Variants in CLDN14 observed in about 807,000 individuals in gnomAD.
CLDN14 encodes claudin 14.
A neutral mutation model predicts 2.1 loss-of-function variants in CLDN14; 2 were observed. The observed-to-expected ratio is 0.96, with a 90% CI of 0.39 to 3.01. The LOEUF (loss-of-function observed/expected upper bound fraction) is 3.01. CLDN14 is among the 30% of genes most tolerant of loss of function. CLDN14 has a pLI of 0.09. For synonymous variants in CLDN14, 136 were observed against 154.4 expected (o/e 0.88, Z 0.88); for missense variants, 298 against 328.0 (o/e 0.91, Z 0.71).
chr21:36,575,671 A>C lies in CLDN14; in HGVS notation c.-220+740T>G, dbSNP rs115799182. On this transcript the variant is annotated intron_variant, in intron 1 of 2. Transcript: ENST00000342108. ...TGAAACATGGACAATGTTTATCAGCATAAGTAGGCACTCACAAATGTAGTT... is the reference window on the plus strand; with the variant it reads ...TGAAACATGGACAATGTTTATCAGCCTAAGTAGGCACTCACAAATGTAGTT... Among the ~76,000 whole-genome samples, 706 of 152,354 alleles carry C rather than the reference A, an allele frequency of 4.6e-3. 1 individual carries two copies. The highest frequency in any genetic ancestry group is 0.016 in the African/African-American group (671 of 41,588).
At chr21:36,486,535 C>T (rs1181599134) in intron 2 of CLDN14, 1 of 1,564,590 alleles carries the variant, frequency 6.4e-7, no homozygotes, top group Non-Finnish European at 8.8e-7. Flanking sequence ...CTTCCCCAGC[C>T]AAAATCGGAG....
chr21:36,516,040 G>A (rs111644847), intron 1 of CLDN14, among the ~76,000 whole-genome samples: 12,527 of 151,750 alleles, frequency 0.083, 1,241 homozygotes, highest in African/African-American at 0.24. Flanking sequence ...CCCCTGCCTC[G>A]GCCTCCCAAA....
At chr21:36,486,950 C>T in intron 2 of CLDN14, 1 of 511,276 alleles carries the variant, frequency 2.0e-6, no homozygotes, top group Admixed American at 2.8e-5. Context: ...GTGATGAGGG[C>T]CATGTTGTTC....
intron 2 of CLDN14, among the ~76,000 whole-genome samples, chr21:36,505,462 G>A (rs1323465978): frequency 1.3e-5 from 2 of 152,124 alleles, no homozygotes. Context: ...GCTAAGAAAG[G>A]GCTGAAGAAC....
At chr21:36,570,428 A>G (rs2087701452) in intron 1 of CLDN14, among the ~76,000 whole-genome samples, 1 of 152,154 alleles carries the variant, frequency 6.6e-6, no homozygotes, top group Non-Finnish European at 1.5e-5. Context: ...CTAGTTTTTT[A>G]GGTTGACTTT....
At chr21:36,517,238 G>A (rs1232028889) in intron 1 of CLDN14, among the ~76,000 whole-genome samples, 7 of 152,206 alleles carry the variant, frequency 4.6e-5, no homozygotes, top group Non-Finnish European at 1.0e-4. Flanking sequence ...ATTATATAAA[G>A]TTTTGTTGGA....
At chr21:36,533,059 T>G (rs1307676969) in intron 1 of CLDN14, among the ~76,000 whole-genome samples, 1 of 152,180 alleles carries the variant, frequency 6.6e-6, no homozygotes, top group Non-Finnish European at 1.5e-5. Flanking sequence ...TTCCTAGCCA[T>G]AAAACAAGTA....
upstream of CLDN14, among the ~76,000 whole-genome samples, chr21:36,482,312 T>C (rs1378697168): frequency 6.6e-6 from 1 of 151,432 alleles, no homozygotes; most frequent in Non-Finnish European, 1.5e-5. Context: ...TGATGGAAGT[T>C]AGTCAATGTT....
intron 1 of CLDN14, among the ~76,000 whole-genome samples, chr21:36,468,767 C>CT (rs1002172215): frequency 1.1e-4 from 16 of 139,286 alleles, no homozygotes; most frequent in South Asian, 2.3e-4. Flanking sequence ...TTCTTTCTTT[C>CT]TTTTTTTTTT....
chr21:36,563,534 A>C (rs1385069438), intron 1 of CLDN14, among the ~76,000 whole-genome samples: 1 of 152,248 alleles, frequency 6.6e-6, no homozygotes, highest in Non-Finnish European at 1.5e-5. Flanking sequence ...AGAGGTTTAC[A>C]ATCCTTACAG....
intron 1 of CLDN14, among the ~76,000 whole-genome samples, chr21:36,475,095 G>A (rs1375170740): frequency 6.6e-6 from 1 of 152,178 alleles, no homozygotes; most frequent in East Asian, 1.9e-4. Context: ...CCGGGTGCAG[G>A]TGGGGCAAGT....
At chr21:36,489,296 C>T (rs2086937426) in intron 2 of CLDN14, among the ~76,000 whole-genome samples, 1 of 151,470 alleles carries the variant, frequency 6.6e-6, no homozygotes, top group Admixed American at 6.6e-5. Context: ...TGCAGCTGTC[C>T]ACTTGTTTAG....
intron 2 of CLDN14, among the ~76,000 whole-genome samples, chr21:36,492,440 CAAAAAAAAAAAAAA>C (rs58666814): frequency 1.5e-5 from 1 of 67,930 alleles, no homozygotes; most frequent in Admixed American, 1.9e-4. Context: ...GACTCCGTCC[CAAAAAAAAAAAAAA>C]AAAAAAAAAA....
intron 1 of CLDN14, among the ~76,000 whole-genome samples, chr21:36,464,420 T>C (rs191414470): frequency 6.6e-5 from 10 of 152,346 alleles, no homozygotes; most frequent in African/African-American, 2.4e-4. Flanking sequence ...TGGGTGACTA[T>C]TTGTTCACAG....
At chr21:36,493,625 C>T (rs1469116905) in intron 2 of CLDN14, among the ~76,000 whole-genome samples, 6 of 151,932 alleles carry the variant, frequency 3.9e-5, no homozygotes, top group Non-Finnish European at 4.4e-5. Context: ...GGAGGGAAGG[C>T]GAGGAAGGGA....
At chr21:36,504,025 A>G (rs1423351723) in intron 2 of CLDN14, among the ~76,000 whole-genome samples, 1 of 148,822 alleles carries the variant, frequency 6.7e-6, no homozygotes, top group Non-Finnish European at 1.5e-5. Flanking sequence ...GCTATCTAGT[A>G]TGTCACACCC....
At chr21:36,553,995 G>A (rs141387589) in intron 1 of CLDN14, among the ~76,000 whole-genome samples, 88 of 152,272 alleles carry the variant, frequency 5.8e-4, no homozygotes, top group African/African-American at 2.1e-3. Context: ...TGTCTCTAGA[G>A]AGCATGTACC....
chr21:36,552,829 G>A (rs1286253899), intron 1 of CLDN14, among the ~76,000 whole-genome samples: 1 of 152,180 alleles, frequency 6.6e-6, no homozygotes, highest in East Asian at 1.9e-4. Flanking sequence ...CTCGCTGCTG[G>A]GAGGAAGCTT....
At chr21:36,556,388 T>C (rs773494157) in intron 1 of CLDN14, among the ~76,000 whole-genome samples, 13 of 152,196 alleles carry the variant, frequency 8.5e-5, no homozygotes, top group Non-Finnish European at 1.8e-4. Context: ...GACCTTTTTG[T>C]GCTTGGACCC....
Sources: gnomAD v4.1 joint callset for allele counts (sites outside exome capture counted in the v4.1 genomes callset) on GRCh38, gnomAD v4.1.1 for gene constraint, MANE v1.5 for transcripts, NCBI Gene and HGNC (gene_info 2026-07-23, HGNC 2026-07-21) for gene names.